MACROD2: variants seen among roughly 807,000 people sequenced by gnomAD.
The protein encoded by MACROD2 is mono-ADP ribosylhydrolase 2.
In MACROD2, 36 loss-of-function variants were observed where a neutral mutation model predicts 70.4. The observed-to-expected ratio is 0.51, with a 90% CI of 0.39 to 0.68. The LOEUF is 0.68. MACROD2 is among the 30% of genes least tolerant of loss of function. The probability of loss-of-function intolerance (pLI) is 0.00; values close to 1 mark genes in which losing one functional copy is unlikely to be tolerated. For synonymous variants in MACROD2, 172 were observed against 178.8 expected, an observed-to-expected ratio of 0.96 and a Z score of 0.30; for missense variants, 496 against 538.4, an observed-to-expected ratio of 0.92 and a Z score of 0.78.
intron 5 of MACROD2, among the ~76,000 whole-genome samples, chr20:15,176,084 G>T (rs2076459322): frequency 6.6e-6 from 1 of 152,232 alleles, no homozygotes. Context: ...AATGTGGCCA[G>T]GTATGTGTAT....
At chr20:15,680,148 T>C (rs2050141079) in intron 8 of MACROD2, among the ~76,000 whole-genome samples, 1 of 152,172 alleles carries the variant, frequency 6.6e-6, no homozygotes, top group African/African-American at 2.4e-5. Context: ...ATAAAAAAAG[T>C]GCATGAGAAT....
At chr20:15,300,163 T>C (rs2077628478) in intron 6 of MACROD2, among the ~76,000 whole-genome samples, 1 of 152,172 alleles carries the variant, frequency 6.6e-6, no homozygotes, top group Admixed American at 6.5e-5. Context: ...AATTTACTGT[T>C]ATTAATGTAG....
chr20:14,695,625 C>T (rs2071115880), intron 5 of MACROD2, among the ~76,000 whole-genome samples: 1 of 152,208 alleles, frequency 6.6e-6, no homozygotes, highest in Non-Finnish European at 1.5e-5. Context: ...CAGACACCTT[C>T]TGGAGAGGCT....
intron 5 of MACROD2, among the ~76,000 whole-genome samples, chr20:14,921,949 C>T (rs2074169228): frequency 6.6e-6 from 1 of 152,160 alleles, no homozygotes. Flanking sequence ...GACCAAATTG[C>T]ATCAGATTCT....
intron 5 of MACROD2, among the ~76,000 whole-genome samples, chr20:14,704,444 G>T (rs554278398): frequency 6.6e-6 from 1 of 152,078 alleles, no homozygotes; most frequent in Non-Finnish European, 1.5e-5. Context: ...ACCCACAGTG[G>T]TAACTGGCTT....
intron 5 of MACROD2, among the ~76,000 whole-genome samples, chr20:14,875,947 T>G (rs2073545775): frequency 6.6e-6 from 1 of 152,032 alleles, no homozygotes; most frequent in Non-Finnish European, 1.5e-5. Context: ...TGGTGAACTT[T>G]TTGGTATAAC....
intron 8 of MACROD2, among the ~76,000 whole-genome samples, chr20:15,528,297 G>A (rs2146541623): frequency 6.6e-6 from 1 of 152,288 alleles, no homozygotes; most frequent in South Asian, 2.1e-4. Flanking sequence ...ACCACACCCA[G>A]CTAATTTTTG....
intron 15 of MACROD2, among the ~76,000 whole-genome samples, chr20:15,990,193 T>C (rs548766871): frequency 9.2e-5 from 14 of 152,270 alleles, no homozygotes; most frequent in African/African-American, 3.4e-4. Context: ...GTTTTATGAT[T>C]TCCCAGCAGG....
At chr20:14,098,206 T>C (rs1269660678) in intron 3 of MACROD2, among the ~76,000 whole-genome samples, 1 of 152,194 alleles carries the variant, frequency 6.6e-6, no homozygotes, top group Admixed American at 6.5e-5. Context: ...TTATGGGTGT[T>C]TTTCAAGTCC....
intron 3 of MACROD2, among the ~76,000 whole-genome samples, chr20:14,353,738 C>G (rs908013777): frequency 1.3e-5 from 2 of 152,098 alleles, no homozygotes; most frequent in African/African-American, 4.8e-5. Flanking sequence ...CTCTATGTCT[C>G]TTTTGAAGGG....
At chr20:14,043,183 G>A (rs2053418500) in intron 2 of MACROD2, among the ~76,000 whole-genome samples, 1 of 152,198 alleles carries the variant, frequency 6.6e-6, no homozygotes, top group Admixed American at 6.5e-5. Flanking sequence ...GCCTTCCAAA[G>A]TGCTGGGATT....
chr20:15,228,257 A>G (rs1405067081), intron 5 of MACROD2, among the ~76,000 whole-genome samples: 24 of 152,080 alleles, frequency 1.6e-4, no homozygotes, highest in Admixed American at 1.6e-3. Context: ...TCTCACTTTA[A>G]AAGTAAGTTT....
intron 2 of MACROD2, among the ~76,000 whole-genome samples, chr20:14,048,564 G>A (rs571299504): frequency 2.2e-4 from 33 of 152,196 alleles, no homozygotes; most frequent in African/African-American, 7.7e-4. Flanking sequence ...CGACCCTAAA[G>A]TTCTATGTGC....
intron 5 of MACROD2, among the ~76,000 whole-genome samples, chr20:14,770,762 G>A (rs1027171857): frequency 2.6e-5 from 4 of 152,064 alleles, no homozygotes; most frequent in African/African-American, 9.7e-5. Context: ...TTTACATCTG[G>A]ATGAAGAACC....
At chr20:14,387,133 TA>T (rs2083476447) in intron 3 of MACROD2, among the ~76,000 whole-genome samples, 1 of 152,276 alleles carries the variant, frequency 6.6e-6, no homozygotes, top group Non-Finnish European at 1.5e-5. Context: ...AAAGTCTTTT[TA>T]TAGTCTGTCC....
At chr20:14,376,377 T>G (rs936159123) in intron 3 of MACROD2, among the ~76,000 whole-genome samples, 1 of 152,202 alleles carries the variant, frequency 6.6e-6, no homozygotes, top group Non-Finnish European at 1.5e-5. Flanking sequence ...ATGAAAATCA[T>G]GTAGTGAACA....
chr20:14,024,315 T>C (rs2053127155), intron 2 of MACROD2, among the ~76,000 whole-genome samples: 1 of 152,250 alleles, frequency 6.6e-6, no homozygotes, highest in Non-Finnish European at 1.5e-5. Flanking sequence ...TTTCTAAATG[T>C]ACAATCATGT....
At chr20:15,821,655 C>T (rs182784086) in intron 8 of MACROD2, among the ~76,000 whole-genome samples, 2 of 152,248 alleles carry the variant, frequency 1.3e-5, no homozygotes, top group East Asian at 3.9e-4. Flanking sequence ...CCGTATTGAC[C>T]ATGTACACGC....
chr20:15,461,866 G>A (rs2046823895), intron 7 of MACROD2, among the ~76,000 whole-genome samples: 2 of 152,206 alleles, frequency 1.3e-5, no homozygotes, highest in South Asian at 2.1e-4. Flanking sequence ...TGCATTCAAG[G>A]TGTAAATGGA....
Sources: allele counts gnomAD v4.1 joint callset (sites outside exome capture counted in the v4.1 genomes callset), GRCh38; gene constraint gnomAD v4.1.1; transcripts MANE v1.5; gene names NCBI Gene and HGNC (gene_info 2026-07-23, HGNC 2026-07-21).